Variants in HS6ST3 observed in about 807,000 individuals in gnomAD.
The protein encoded by HS6ST3 is heparan-sulfate 6-O-sulfotransferase 3.
Under a neutral mutation model 36.7 loss-of-function variants are expected in HS6ST3, and 12 were observed. That is an observed-to-expected ratio of 0.33 (90% confidence interval 0.21 to 0.53). HS6ST3 has a LOEUF of 0.53. HS6ST3 is among the 20% of genes least tolerant of loss of function. HS6ST3 has a pLI of 0.95. For synonymous variants in HS6ST3, 240 were observed against 257.5 expected, an observed-to-expected ratio of 0.93 and a Z score of 0.65; for missense variants, 584 against 640.9, an observed-to-expected ratio of 0.91 and a Z score of 0.96.
intron 1 of HS6ST3, among the ~76,000 whole-genome samples, chr13:96,139,930 T>G (rs572849980): frequency 6.6e-6 from 1 of 152,282 alleles, no homozygotes; most frequent in African/African-American, 2.4e-5. Flanking sequence ...GGGTTTGAAC[T>G]GCAAGGGTCT....
chr13:96,647,118 G>T (rs1461957986), intron 1 of HS6ST3, among the ~76,000 whole-genome samples: 1 of 151,976 alleles, frequency 6.6e-6, no homozygotes, highest in Non-Finnish European at 1.5e-5. Context: ...GACACTGGGG[G>T]TGGAATCTAA....
At chr13:96,180,541 TC>T (rs1034617120) in intron 1 of HS6ST3, among the ~76,000 whole-genome samples, 1 of 21,994 alleles carries the variant, frequency 4.5e-5, no homozygotes, top group Non-Finnish European at 1.2e-4. Context: ...ATTAAACTTT[TC>T]AGCGTTTTTA....
At chr13:96,561,138 A>G (rs984895908) in intron 1 of HS6ST3, among the ~76,000 whole-genome samples, 2 of 152,198 alleles carry the variant, frequency 1.3e-5, no homozygotes, top group Non-Finnish European at 2.9e-5. Context: ...CTACACCATA[A>G]GGCTACATAC....
chr13:96,309,931 T>G (rs2054932044), intron 1 of HS6ST3, among the ~76,000 whole-genome samples: 1 of 152,088 alleles, frequency 6.6e-6, no homozygotes. Context: ...TTAGGTATAG[T>G]GGATATATAG....
chr13:96,298,611 C>G (rs139563373), intron 1 of HS6ST3, among the ~76,000 whole-genome samples: 1 of 152,294 alleles, frequency 6.6e-6, no homozygotes, highest in Admixed American at 6.5e-5. Context: ...TAATAGTCTG[C>G]TACCTAAATC....
intron 1 of HS6ST3, among the ~76,000 whole-genome samples, chr13:96,397,994 G>T (rs2055430586): frequency 1.3e-5 from 2 of 152,172 alleles, no homozygotes; most frequent in African/African-American, 4.8e-5. Flanking sequence ...ACAGGAAAAT[G>T]AGGTTAAGAT....
intron 1 of HS6ST3, among the ~76,000 whole-genome samples, chr13:96,534,687 G>A (rs1258754295): frequency 1.3e-5 from 2 of 152,198 alleles, no homozygotes; most frequent in African/African-American, 4.8e-5. Context: ...GGCCGGGCAC[G>A]GTGGCACACG....
chr13:96,254,787 C>A (rs1400474933), intron 1 of HS6ST3, among the ~76,000 whole-genome samples: 1 of 151,912 alleles, frequency 6.6e-6, no homozygotes, highest in Admixed American at 6.6e-5. Context: ...AAGAAAGTAG[C>A]CTTTTTGCCT....
At chr13:96,794,692 A>G (rs1594861641) in intron 1 of HS6ST3, among the ~76,000 whole-genome samples, 1 of 152,038 alleles carries the variant, frequency 6.6e-6, no homozygotes, top group South Asian at 2.1e-4. Context: ...AAGAAAGGAA[A>G]CAGGTTACAT....
intron 1 of HS6ST3, among the ~76,000 whole-genome samples, chr13:96,326,623 T>C (rs192315963): frequency 0.011 from 1,732 of 152,240 alleles, 33 homozygotes; most frequent in African/African-American, 0.04. Context: ...TTGTGAATAG[T>C]GCCTCAATAA....
At chr13:96,498,193 G>T (rs2055986553) in intron 1 of HS6ST3, among the ~76,000 whole-genome samples, 1 of 152,142 alleles carries the variant, frequency 6.6e-6, no homozygotes, top group African/African-American at 2.4e-5. Context: ...TGCAATTTGA[G>T]TTCATTTAAT....
chr13:96,193,572 A>T (rs1190042703), intron 1 of HS6ST3, among the ~76,000 whole-genome samples: 1 of 152,074 alleles, frequency 6.6e-6, no homozygotes, highest in Non-Finnish European at 1.5e-5. Context: ...TGTGTTGTGG[A>T]TATGTCTTAA....
intron 1 of HS6ST3, among the ~76,000 whole-genome samples, chr13:96,527,766 T>A (rs1372589481): frequency 6.6e-6 from 1 of 152,162 alleles, no homozygotes; most frequent in Non-Finnish European, 1.5e-5. Flanking sequence ...TGTTTGTGGC[T>A]GGAGCAGAGG....
At chr13:96,375,071 C>G (rs745885680) in intron 1 of HS6ST3, among the ~76,000 whole-genome samples, 4 of 152,058 alleles carry the variant, frequency 2.6e-5, no homozygotes, top group Non-Finnish European at 5.9e-5. Flanking sequence ...CCATTCTTGT[C>G]CCTTCACTTA....
At chr13:96,619,356 T>G (rs2056485723) in intron 1 of HS6ST3, among the ~76,000 whole-genome samples, 1 of 152,196 alleles carries the variant, frequency 6.6e-6, no homozygotes, top group Admixed American at 6.5e-5. Flanking sequence ...TCTTTTCAGT[T>G]AATTTTGTTC....
intron 1 of HS6ST3, among the ~76,000 whole-genome samples, chr13:96,586,968 T>C (rs1404206389): frequency 1.3e-5 from 2 of 152,216 alleles, no homozygotes; most frequent in African/African-American, 4.8e-5. Context: ...TTGATCTTTA[T>C]ATATAGTATG....
At chr13:96,742,776 A>C (rs909698149) in intron 1 of HS6ST3, among the ~76,000 whole-genome samples, 1 of 152,188 alleles carries the variant, frequency 6.6e-6, no homozygotes, top group African/African-American at 2.4e-5. Context: ...TTTTGTATTA[A>C]AATGCTGCAG....
At chr13:96,624,410 A>G (rs1201360729) in intron 1 of HS6ST3, among the ~76,000 whole-genome samples, 1 of 152,208 alleles carries the variant, frequency 6.6e-6, no homozygotes, top group Non-Finnish European at 1.5e-5. Context: ...TTTCATATAA[A>G]TGGAAGAATA....
At chr13:96,177,789 ATAAATAAAAT>A (rs2054219482) in intron 1 of HS6ST3, among the ~76,000 whole-genome samples, 1 of 151,946 alleles carries the variant, frequency 6.6e-6, no homozygotes, top group Non-Finnish European at 1.5e-5. Context: ...AAATAAATAA[ATAAATAAAAT>A]TAAAAAAATA....
Sources: gnomAD v4.1 joint callset for allele counts (sites outside exome capture counted in the v4.1 genomes callset) on GRCh38, gnomAD v4.1.1 for gene constraint, MANE v1.5 for transcripts, NCBI Gene and HGNC (gene_info 2026-07-23, HGNC 2026-07-21) for gene names.